Variants in MAX observed in about 807,000 individuals in gnomAD.
MAX encodes MYC associated transcriptional regulator X.
MAX carries 3 observed loss-of-function variants against 22.3 expected under a neutral mutation model. The observed-to-expected ratio is 0.13, with a 90% confidence interval of 0.06 to 0.35. MAX has a LOEUF of 0.35. Among genes scored for constraint, MAX ranks in the 10% least tolerant of loss-of-function variants. The probability of loss-of-function intolerance (pLI) is 1.00; values close to 1 mark genes in which losing one functional copy is unlikely to be tolerated. For synonymous variants in MAX, 72 were observed against 77.7 expected (o/e 0.93, Z 0.39); for missense variants, 119 against 209.4 (o/e 0.57, Z 2.66).
At chr14:65,037,741 ATTAT>A (rs201126999) in intron 3 of MAX, among the ~76,000 whole-genome samples, 6,365 of 131,472 alleles carry the variant, frequency 0.048, 241 homozygotes, top group African/African-American at 0.082. Flanking sequence ...TTATTTATTT[ATTAT>A]TTATTTATTT....
rs188349119 is a variant in MAX at position 65,006,977 on chromosome 14, T to A, written c.172-693A>T. Reference sequence around the variant, plus strand: ...AAGTGTTCCTCCTGGGCTCGGATCCTTGTGGAAATAGAATATATCAGGGCT... The same window carrying A: ...AAGTGTTCCTCCTGGGCTCGGATCCATGTGGAAATAGAATATATCAGGGCT... On this transcript the variant is annotated intron_variant, in intron 3 of 3. Transcript: ENST00000341653. Among the ~76,000 whole-genome samples the A allele has an allele frequency of 3.5e-4, 54 of 152,272 alleles. 1 individual carries two copies. In the East Asian group the frequency reaches 8.7e-3, roughly 25 times the overall value.
intron 3 of MAX, among the ~76,000 whole-genome samples, chr14:65,068,310 C>A (rs2062951736): frequency 6.6e-6 from 1 of 152,128 alleles, no homozygotes; most frequent in South Asian, 2.1e-4. Context: ...TGGCATACAC[C>A]TGTAATCTCA....
downstream of MAX, among the ~76,000 whole-genome samples, chr14:65,074,170 A>C (rs138096032): frequency 3.3e-4 from 51 of 152,332 alleles, no homozygotes; most frequent in Non-Finnish European, 6.5e-4. Flanking sequence ...ATATACAAAG[A>C]GATATAGTTA....
intron 2 of MAX, among the ~76,000 whole-genome samples, chr14:65,099,592 C>T (rs1432633984): frequency 6.6e-6 from 1 of 151,372 alleles, no homozygotes; most frequent in Non-Finnish European, 1.5e-5. Context: ...ACTGGGAAGT[C>T]AGTATAATTT....
At chr14:65,057,697 T>C (rs2062768954) in intron 3 of MAX, among the ~76,000 whole-genome samples, 1 of 152,230 alleles carries the variant, frequency 6.6e-6, no homozygotes, top group African/African-American at 2.4e-5. Context: ...GCTTTTTTAA[T>C]CTAGATTTTT....
chr14:65,094,089 G>A (rs139829219), intron 2 of MAX: 97 of 440,846 alleles, frequency 2.2e-4, no homozygotes, highest in African/African-American at 1.8e-3. Context: ...GGGGGACAAA[G>A]TGTGACTCTC....
intron 3 of MAX, among the ~76,000 whole-genome samples, chr14:65,043,779 GCCACTGCAGT>G (rs1468970733): frequency 7.7e-6 from 1 of 130,322 alleles, no homozygotes; most frequent in Non-Finnish European, 1.6e-5. Flanking sequence ...CCGAGATTGC[GCCACTGCAGT>G]CCGCAGTCCG....
chr14:65,044,940 C>A lies in MAX; in HGVS notation c.172-38656G>T, dbSNP rs141223960. Among the ~76,000 whole-genome samples the A allele has an allele frequency of 6.6e-6, 1 of 152,104 alleles. No homozygotes were observed. The highest frequency in any genetic ancestry group is 1.5e-5 in the Non-Finnish European group (1 of 68,008). The stretch of plus-strand genomic sequence containing the variant: ...GCCCCTACACCATGGAGAAGAGACT[C>A]GCCGTGTCTGACTGGCTGCAGAGTT... On this transcript the variant is annotated intron_variant, in intron 3 of 3. Coordinates refer to the MAX transcript ENST00000341653. The surrounding 1 kb of genome is among the most constrained non-coding windows in gnomAD (Gnocchi z 5.5).
chr14:65,102,218 C>A (rs1352511337), intron 1 of MAX, 86 bp downstream of exon 1: 15 of 1,586,588 alleles, frequency 9.5e-6, no homozygotes, highest in Non-Finnish European at 1.2e-5. Context: ...GCAGCCCGGC[C>A]CCCTCCCGCC....
rs760161193 is a variant in MAX at position 65,054,908 on chromosome 14, C to G, written c.171+38800G>C. On this transcript the variant is annotated intron_variant, in intron 3 of 3. Transcript: ENST00000341653. This position sits in a 1 kb window ranked among gnomAD's most constrained non-coding sequence, Gnocchi z 4.4. ...GTTCCAGATGGGCGGTCTGATCTGT[C>G]AAAGAGCTGTTGTGCCTTTATCCCA... Among the ~76,000 whole-genome samples the G allele has an allele frequency of 1.3e-5, 2 of 152,190 alleles. No homozygotes were observed. Among genetic ancestry groups the G allele is most frequent in the Non-Finnish European group, 2.9e-5 (2 of 68,032 alleles).
intron 3 of MAX, among the ~76,000 whole-genome samples, chr14:65,037,225 T>C (rs1183742798): frequency 2.0e-5 from 3 of 151,154 alleles, no homozygotes; most frequent in Non-Finnish European, 1.5e-5. Context: ...TGCCTCAGCC[T>C]CCTGAGTAGC....
rs561165644 is a variant in MAX, at chr14:65,040,259, GTA to G, written c.172-33977_172-33976del. Among the ~76,000 whole-genome samples the G allele has an allele frequency of 1.4e-3, 204 of 144,986 alleles. 1 individual carries two copies. Among genetic ancestry groups the G allele is most frequent in the African/African-American group, 5.1e-3 (200 of 39,090 alleles). On this transcript the variant is annotated intron_variant, in intron 3 of 3. Coordinates refer to the MAX transcript ENST00000341653. ...TTGATGGTTATCACTATATATATAT[GTA>G]TATATATGTATATATATGTGTGTAT...
chr14:65,032,195 A>C lies in MAX; in HGVS notation c.172-25911T>G, dbSNP rs1167319379. Among the ~76,000 whole-genome samples, 1 of 152,172 alleles carries C rather than the reference A, an allele frequency of 6.6e-6. No homozygotes were observed. Among genetic ancestry groups the C allele is most frequent in the Non-Finnish European group, 1.5e-5 (1 of 68,038 alleles). ...AATCTTTAATGTGTCAAGGCTGTAA[A>C]CAGAAATCCTGGCTCTGAAACAGTA... is the stretch of plus-strand genomic sequence containing the variant. On this transcript the variant is annotated intron_variant, in intron 3 of 3. Coordinates refer to the MAX transcript ENST00000341653. The surrounding 1 kb of genome is among the most constrained non-coding windows in gnomAD (Gnocchi z 5.0).
chr14:65,008,898 T>A (rs1276040599), intron 3 of MAX, among the ~76,000 whole-genome samples: 1 of 152,194 alleles, frequency 6.6e-6, no homozygotes, highest in African/African-American at 2.4e-5. Context: ...TCCCATAGCC[T>A]TAATAGATTT....
intron 2 of MAX, 58 bp downstream of exon 2, chr14:65,101,488 C>A (rs2139962213): frequency 6.9e-7 from 1 of 1,448,416 alleles, no homozygotes; most frequent in Non-Finnish European, 9.6e-7. Flanking sequence ...TCTCTCTGAC[C>A]CCAAAAAGGA....
Position 65,060,945 on chromosome 14 carries a change from A to G in MAX, c.171+32763T>C, listed in dbSNP as rs117326573. Among the ~76,000 whole-genome samples the G allele has an allele frequency of 8.4e-3, 1,264 of 150,308 alleles. 7 individuals are homozygous for G. Among genetic ancestry groups the G allele is most frequent in the Middle Eastern group, 0.017 (5 of 288 alleles). On this transcript the variant is annotated intron_variant, in intron 3 of 3. Coordinates refer to the MAX transcript ENST00000341653. ...CTGTTTTCTCACATAATATGTTGTA[A>G]GTATTTGCCTGTATCGTTAAATATT... is the stretch of plus-strand genomic sequence containing the variant.
Position 65,012,024 on chromosome 14 carries a change from G to A in MAX, c.172-5740C>T, listed in dbSNP as rs529946660. On this transcript the variant is annotated intron_variant, in intron 3 of 3. Coordinates refer to the MAX transcript ENST00000341653. The surrounding 1 kb of genome is among the most constrained non-coding windows in gnomAD (Gnocchi z 5.0). ...GGGTGGACTGTCATTGCCTGGCTGCGTGTGCTCATTGCGGCTTTTCCGTTA... is the reference window on the plus strand; with the variant it reads ...GGGTGGACTGTCATTGCCTGGCTGCATGTGCTCATTGCGGCTTTTCCGTTA... 52 of 329,210 alleles carry A rather than the reference G, an allele frequency of 1.6e-4. No individual in the cohort carries two copies. The highest frequency in any genetic ancestry group is 7.1e-4 in the African/African-American group (34 of 47,828). 20.4% of individuals were successfully genotyped at this position (329,210 alleles called of 1,614,324 possible).
At chr14:65,095,110 A>G (rs1566624595) in intron 2 of MAX, among the ~76,000 whole-genome samples, 3 of 152,254 alleles carry the variant, frequency 2.0e-5, no homozygotes, top group Non-Finnish European at 4.4e-5. Context: ...TTCTCCTGTT[A>G]TTTAATCCTA....
chr14:65,075,285 T>A lies in MAX; in HGVS notation c.*1191A>T, dbSNP rs2063028958. Reference sequence around the variant, plus strand: ...AGAGTATACACTAGAAATCAGCAAATGCCAGGAACGGAGTAGGAAAAAGAC... The same window carrying A: ...AGAGTATACACTAGAAATCAGCAAAAGCCAGGAACGGAGTAGGAAAAAGAC... On this transcript the variant is annotated 3_prime_UTR_variant, in exon 5 of 5. Transcript: ENST00000358664. This position sits in a 1 kb window ranked among gnomAD's most constrained non-coding sequence, Gnocchi z 4.1. 1 of 1,061,050 alleles carries A rather than the reference T, an allele frequency of 9.4e-7. No individual in the cohort carries two copies. 65.7% of individuals were successfully genotyped at this position (1,061,050 alleles called of 1,614,324 possible). A position where few individuals can be genotyped will look rare whatever the true frequency, so the allele number is the denominator to read the frequency against.
Sources: gnomAD v4.1 joint callset for allele counts (sites outside exome capture counted in the v4.1 genomes callset) on GRCh38, gnomAD v4.1.1 for gene constraint, Gnocchi (gnomAD v3.1) non-coding constraint, MANE v1.5 for transcripts, NCBI Gene and HGNC (gene_info 2026-07-23, HGNC 2026-07-21) for gene names.